The following AR variants were observed in gnomAD, a reference collection of about 807,000 sequenced individuals.
AR encodes androgen receptor, also known as dihydrotestosterone receptor.
In AR, 8 loss-of-function variants were observed where a neutral mutation model predicts 53.9. That is an observed-to-expected ratio of 0.15 (90% confidence interval 0.09 to 0.27). The LOEUF (loss-of-function observed/expected upper bound fraction) is 0.27. Ranked by LOEUF, AR falls within the 10% of genes least tolerant of loss-of-function variation. The pLI, the probability that AR is intolerant of heterozygous loss-of-function variation, is 1.00. For missense variants in AR, 639 were observed against 742.5 expected (o/e 0.86, Z 1.62); for synonymous variants, 359 against 316.4 (o/e 1.13, Z -1.43).
intron 3 of AR, among the ~76,000 whole-genome samples, chrX:67,707,942 C>G (rs1006793203): frequency 8.9e-6 from 1 of 111,935 alleles, no homozygotes; most frequent in African/African-American, 3.3e-5. Context: ...GTTGAAAATT[C>G]TTTTCTTTAA....
chrX:67,566,024 CT>C (rs761720827), intron 1 of AR, among the ~76,000 whole-genome samples: 2 of 111,883 alleles, frequency 1.8e-5, no homozygotes, highest in Admixed American at 1.9e-4. Context: ...GTAAGTCCAA[CT>C]TTTTTCAAGT....
At chrX:67,570,824 A>C (rs968437766) in intron 1 of AR, among the ~76,000 whole-genome samples, 5 of 111,145 alleles carry the variant, frequency 4.5e-5, no homozygotes, top group Admixed American at 3.8e-4. Flanking sequence ...GTGTTACTAC[A>C]GATGGTGTCT....
intron 2 of AR, among the ~76,000 whole-genome samples, chrX:67,682,723 A>T (rs1048341558): frequency 8.9e-6 from 1 of 111,968 alleles, no homozygotes; most frequent in African/African-American, 3.2e-5. Context: ...TAGCATCCCA[A>T]TGATTTTACC....
intron 1 of AR, among the ~76,000 whole-genome samples, chrX:67,569,184 A>C (rs1295872740): frequency 1.3e-5 from 1 of 75,346 alleles, no homozygotes; most frequent in Non-Finnish European, 2.3e-5. Flanking sequence ...TTGGGGCAGA[A>C]TATAGTGTGG....
intron 1 of AR, among the ~76,000 whole-genome samples, chrX:67,556,016 A>G (rs1056707372): frequency 8.9e-6 from 1 of 112,492 alleles, no homozygotes; most frequent in Non-Finnish European, 1.9e-5. Context: ...TTCTTTGCAT[A>G]TGGAGCAGAA....
intron 1 of AR, among the ~76,000 whole-genome samples, chrX:67,585,297 A>G (rs1483368591): frequency 9.1e-6 from 1 of 109,972 alleles, no homozygotes; most frequent in African/African-American, 3.3e-5. Context: ...CAAAATAACT[A>G]TCTGTAGCAT....
At position 67,727,011 on chromosome X, in the gene AR, C is replaced by T. The variant is rs1002354140; in HGVS notation, c.*3170C>T. 5.8e-6 allele frequency: 1 copy of T among 173,425 alleles called. No homozygotes were observed. The highest frequency in any genetic ancestry group is 1.1e-5 in the Non-Finnish European group (1 of 90,056). 14.3% of individuals were successfully genotyped at this position (173,425 alleles called of 1,213,427 possible). On this transcript the variant is annotated 3_prime_UTR_variant, in exon 8 of 8. Coordinates refer to ENST00000374690, the MANE Select transcript of AR (RefSeq NM_000044.6). ...AGAAGGAGCACCAGGGAGAAGGCTC[C>T]GTCTGTGCTGGGCAGCAGACAGCTG... is the stretch of plus-strand genomic sequence containing the variant.
chrX:67,704,003 C>A (rs1308175773), intron 3 of AR, among the ~76,000 whole-genome samples: 1 of 112,019 alleles, frequency 8.9e-6, no homozygotes, highest in African/African-American at 3.2e-5. Flanking sequence ...GCATAGTATT[C>A]CATGGTGTAT....
Position 67,545,143 on chromosome X carries a change from A to G in AR, c.-4A>G. 1 of 1,197,293 alleles carries G rather than the reference A, an allele frequency of 8.4e-7. No homozygotes were observed. The highest frequency in any genetic ancestry group is 1.1e-6 in the Non-Finnish European group (1 of 890,191). On this transcript the variant is annotated 5_prime_UTR_variant, in exon 1 of 8. Coordinates refer to ENST00000374690, the MANE Select transcript of AR (RefSeq NM_000044.6). ...GTAGGTGGAAGATTCAGCCAAGCTC[A>G]AGGATGGAAGTGCAGTTAGGGCTGG...
In AR at chrX:67,717,774, G is replaced by A. The variant is rs753394992; in HGVS notation, c.2318+152G>A. The A allele has an allele frequency of 1.8e-4, 162 of 882,644 alleles. 1 individual carries two copies. In the South Asian group the frequency reaches 1.9e-3, roughly 10 times the overall value. 72.7% of individuals were successfully genotyped at this position (882,644 alleles called of 1,213,427 possible). A position where few individuals can be genotyped will look rare whatever the true frequency, so the allele number is the denominator to read the frequency against. ...CCAGCCAGCCAATCCAGTATGAGGC[G>A]GCTTTGCCCTGGCTTTCAGCCAACT... On this transcript the variant is annotated intron_variant, in intron 5 of 7. Coordinates refer to ENST00000374690, the MANE Select transcript of AR (RefSeq NM_000044.6).
In AR at chrX:67,722,883, A is replaced by G; in HGVS notation, c.2506A>G (p.Ile836Val). The change falls in exon 7 of 8, where the codon ATC (isoleucine) becomes GTC (valine). Residue 836 changes from isoleucine (I) to valine (V), a missense_variant. Transcript: ENST00000374690. ...CTTTGATGAACTTCGAATGAACTAC[A>G]TCAAGGAACTCGATCGTATCATTGC... ...KFFDELRMNYIKELDRIIACK... is the reference protein window; with the variant it reads ...KFFDELRMNYVKELDRIIACK... 8.3e-7 allele frequency: 1 copy of G among 1,210,994 alleles called. No individual in the cohort carries two copies. Among genetic ancestry groups the G allele is most frequent in the Non-Finnish European group, 1.1e-6 (1 of 894,935 alleles).
intron 1 of AR, among the ~76,000 whole-genome samples, chrX:67,620,273 T>G (rs767892892): frequency 9.1e-6 from 1 of 109,968 alleles, no homozygotes; most frequent in East Asian, 2.9e-4. Flanking sequence ...GTTTTTTTTT[T>G]CCCCAGGGTT....
chrX:67,595,962 G>C (rs1295326559), intron 1 of AR, among the ~76,000 whole-genome samples: 1 of 111,332 alleles, frequency 9.0e-6, no homozygotes, highest in African/African-American at 3.3e-5. Context: ...TTGGAGATGG[G>C]GCCTGGAGGG....
chrX:67,615,662 C>A (rs1019046314), intron 1 of AR, among the ~76,000 whole-genome samples: 4 of 111,034 alleles, frequency 3.6e-5, no homozygotes, highest in African/African-American at 9.8e-5. Context: ...ATTATATATT[C>A]TTTTCCACTT....
intron 1 of AR, among the ~76,000 whole-genome samples, chrX:67,577,352 A>G (rs1169797930): frequency 9.0e-6 from 1 of 110,821 alleles, no homozygotes; most frequent in African/African-American, 3.3e-5. Flanking sequence ...AATGTATCAT[A>G]TTTGTTTTTT....
intron 2 of AR, among the ~76,000 whole-genome samples, chrX:67,672,688 A>G (rs1369386311): frequency 9.0e-6 from 1 of 111,348 alleles, no homozygotes; most frequent in East Asian, 2.8e-4. Context: ...GTTTCTATTT[A>G]CATCTTATTG....
chrX:67,599,733 C>T (rs772289041), intron 1 of AR, among the ~76,000 whole-genome samples: 91 of 112,289 alleles, frequency 8.1e-4, no homozygotes, highest in African/African-American at 2.6e-3. Context: ...TTAGAGATTT[C>T]GCAATGCTGA....
chrX:67,646,949 T>C (rs762843381), intron 2 of AR, among the ~76,000 whole-genome samples: 46 of 111,172 alleles, frequency 4.1e-4, no homozygotes, highest in Non-Finnish European at 8.5e-4. Context: ...GAGAGTGTAC[T>C]ATGGATGGAG....
intron 2 of AR, among the ~76,000 whole-genome samples, chrX:67,662,948 C>T (rs188920172): frequency 1.8e-5 from 2 of 111,138 alleles, no homozygotes. Context: ...GATTGCAATC[C>T]CTGCCTTTTT....
Sources: allele counts gnomAD v4.1 joint callset (sites outside exome capture counted in the v4.1 genomes callset), GRCh38; gene constraint gnomAD v4.1.1; transcripts MANE v1.5; gene names NCBI Gene and HGNC (gene_info 2026-07-23, HGNC 2026-07-21).